Variants in CYS1 observed in about 807,000 individuals in gnomAD.
CYS1 encodes cystin-1.
In CYS1, 5 loss-of-function variants were observed where a neutral mutation model predicts 9.6. The ratio of observed to expected loss-of-function variants is 0.52; its 90% CI spans 0.27 to 1.10. CYS1 has a LOEUF of 1.10. CYS1 is among the 50% of genes least tolerant of loss of function. The pLI is 0.11. For synonymous variants in CYS1, 88 were observed against 95.7 expected (o/e 0.92, Z 0.47); for missense variants, 221 against 207.9 (o/e 1.06, Z -0.39).
Position 10,058,722 on chromosome 2 carries a change from G to T in CYS1, c.*131C>A. 1.3e-6 allele frequency: 1 copy of T among 759,244 alleles called. No individual in the cohort carries two copies. Among genetic ancestry groups the T allele is most frequent in the Non-Finnish European group, 2.0e-6 (1 of 487,922 alleles). 47.0% of individuals were successfully genotyped at this position (759,244 alleles called of 1,614,324 possible). ...GCGCGGTCTGAAAGTGGATTTGAAAGGGCAGCTTTGAATATCCGGGAGTGA... is the reference window on the plus strand; with the variant it reads ...GCGCGGTCTGAAAGTGGATTTGAAATGGCAGCTTTGAATATCCGGGAGTGA... On this transcript the variant is annotated 3_prime_UTR_variant, in exon 3 of 3. Transcript: ENST00000381813.
chr2:10,077,697 C>T (rs559983601), intron 1 of CYS1, among the ~76,000 whole-genome samples: 178 of 152,188 alleles, frequency 1.2e-3, no homozygotes, highest in Non-Finnish European at 2.0e-3. Context: ...TGGTGGCGCA[C>T]ATCTGTAGTA....
intron 2 of CYS1, among the ~76,000 whole-genome samples, chr2:10,060,713 G>A (rs945024938): frequency 2.6e-5 from 4 of 152,254 alleles, no homozygotes; most frequent in African/African-American, 7.2e-5. Context: ...AAATGCAGAC[G>A]TTCTGGAGCC....
Position 10,058,713 on chromosome 2 carries a change from G to T in CYS1, c.*140C>A. 2.8e-6 allele frequency: 2 copies of T among 720,272 alleles called. No homozygotes were observed. Among genetic ancestry groups the T allele is most frequent in the African/African-American group, 1.8e-5 (1 of 56,990 alleles). 44.6% of individuals were successfully genotyped at this position (720,272 alleles called of 1,614,324 possible). ...CCCAGGTCAGCGCGGTCTGAAAGTG[G>T]ATTTGAAAGGGCAGCTTTGAATATC... On this transcript the variant is annotated 3_prime_UTR_variant, in exon 3 of 3. Coordinates refer to ENST00000381813, the MANE Select transcript of CYS1 (RefSeq NM_001037160.3).
intron 2 of CYS1, among the ~76,000 whole-genome samples, chr2:10,064,010 G>A (rs1012958198): frequency 6.6e-6 from 1 of 152,190 alleles, no homozygotes; most frequent in African/African-American, 2.4e-5. Context: ...ATCACCTGAG[G>A]CCAGGAGTTT....
chr2:10,067,620 T>G (rs1179110657), intron 1 of CYS1, among the ~76,000 whole-genome samples: 1 of 151,996 alleles, frequency 6.6e-6, no homozygotes, highest in Non-Finnish European at 1.5e-5. Context: ...TTGCCCTGGC[T>G]GGTCTTAAAC....
In CYS1 at chr2:10,079,906, C is replaced by A; in HGVS notation, c.318G>T (p.Ala106=). The A allele has an allele frequency of 9.0e-7, 1 of 1,112,316 alleles. No individual in the cohort carries two copies. The highest frequency in any genetic ancestry group is 1.1e-6 in the Non-Finnish European group (1 of 911,324). The allele number at this position is 1,112,316 out of a possible 1,614,324, so 68.9% of individuals were successfully genotyped here. The change falls in exon 1 of 3, where the codon GCG becomes GCT. Residue 106 remains alanine, a splice_region_variant and synonymous_variant. Coordinates refer to ENST00000381813, the MANE Select transcript of CYS1 (RefSeq NM_001037160.3). ...GAGGCCCTGCGGCTCCCACACTCAC[C>A]GCGCTCCCCGCGACCGCGGTGGGTC... The part of the protein sequence containing the change: ...RLRPTAVAGS[A]VCAEQSTEGH...
intron 1 of CYS1, among the ~76,000 whole-genome samples, chr2:10,071,042 T>C (rs1182481588): frequency 6.6e-6 from 1 of 152,166 alleles, no homozygotes; most frequent in East Asian, 1.9e-4. Context: ...TTCGGCTCAC[T>C]GCAACCTCTG....
At chr2:10,059,819 T>C (rs1296504860) in intron 2 of CYS1, among the ~76,000 whole-genome samples, 2 of 152,222 alleles carry the variant, frequency 1.3e-5, no homozygotes, top group African/African-American at 4.8e-5. Flanking sequence ...ACGTTCAGGA[T>C]CCCGCCAGTC....
Position 10,065,918 on chromosome 2 carries a change from G to T in CYS1, c.357C>A (p.Ser119Arg), listed in dbSNP as rs377581230. 6.2e-7 allele frequency: 1 copy of T among 1,614,042 alleles called. No individual in the cohort carries two copies. The highest frequency in any genetic ancestry group is 8.5e-7 in the Non-Finnish European group (1 of 1,180,010). The part of the protein sequence containing the change: ...AEQSTEGHPG[S>R]GNVSEAPGSG... ...CTGGTACTTACTCAGAGACATTGCC[G>T]CTCCCCGGGTGGCCCTCTGTGCTCT... Residue 119 changes from serine (S) to arginine (R), a missense_variant, in exon 2 of 3, where the codon AGC becomes AGA. By Grantham distance (110) the Ser-to-Arg change is moderately radical. Transcript: ENST00000381813.
intron 1 of CYS1, among the ~76,000 whole-genome samples, chr2:10,078,190 A>G (rs1661886136): frequency 6.6e-6 from 1 of 151,882 alleles, no homozygotes; most frequent in Non-Finnish European, 1.5e-5. Context: ...CTCCTCAACA[A>G]TTCCTGAAAC....
rs1028173452 is a variant in CYS1 at position 10,063,948 on chromosome 2, T to C, written c.371+1956A>G. On this transcript the variant is annotated intron_variant, in intron 2 of 2. Coordinates refer to ENST00000381813, the MANE Select transcript of CYS1 (RefSeq NM_001037160.3). The surrounding 1 kb of genome is among the most constrained non-coding windows in gnomAD (Gnocchi z 4.2). ...AAGTATACTGAATGAAAAGGCTGGG[T>C]GCAGTGGCTCACGCCCATAATCCCA... 3.3e-5 allele frequency among the ~76,000 whole-genome samples: 5 copies of C among 152,156 alleles called. No homozygotes were observed. Among genetic ancestry groups the C allele is most frequent in the African/African-American group, 1.2e-4 (5 of 41,432 alleles).
chr2:10,072,830 C>A (rs1661788728), intron 1 of CYS1, among the ~76,000 whole-genome samples: 1 of 152,062 alleles, frequency 6.6e-6, no homozygotes, highest in Non-Finnish European at 1.5e-5. Context: ...GCTTTGCAGG[C>A]AGCAGAAGCT....
rs868176144 is a variant in CYS1, at chr2:10,063,614, G to A, written c.371+2290C>T. The stretch of plus-strand genomic sequence containing the variant: ...AAGGACCCTGCCTGGGAGGGTGAGG[G>A]TGACACTGGAGGGAGGAGATTGAAG... On this transcript the variant is annotated intron_variant, in intron 2 of 2. Transcript: ENST00000381813. The surrounding 1 kb of genome is among the most constrained non-coding windows in gnomAD (Gnocchi z 4.2). Among the ~76,000 whole-genome samples, 1 of 152,186 alleles carries A rather than the reference G, an allele frequency of 6.6e-6. No homozygotes were observed. Among genetic ancestry groups the A allele is most frequent in the Non-Finnish European group, 1.5e-5 (1 of 68,042 alleles).
chr2:10,079,827 C>G, intron 1 of CYS1, 79 bp downstream of exon 1: 1 of 935,040 alleles, frequency 1.1e-6, no homozygotes, highest in East Asian at 6.7e-5. Flanking sequence ...GCGACCGGCG[C>G]CCAGGGCTGG....
Position 10,058,429 on chromosome 2 carries a change from G to A in CYS1, c.*424C>T, listed in dbSNP as rs757812190. The A allele has an allele frequency of 2.5e-5, 4 of 161,926 alleles. No individual in the cohort carries two copies. The highest frequency in any genetic ancestry group is 6.2e-5 in the Admixed American group (1 of 16,162). The allele number at this position is 161,926 out of a possible 1,614,324, so 10.0% of individuals were successfully genotyped here. On this transcript the variant is annotated 3_prime_UTR_variant, in exon 3 of 3. Transcript: ENST00000381813. ...ATGGGCCCGAGACTGAGGGAGCAGC[G>A]CGGGTGCACCTTCCACAGCAGAACC...
chr2:10,071,431 C>T (rs1284795858), intron 1 of CYS1, among the ~76,000 whole-genome samples: 1 of 152,198 alleles, frequency 6.6e-6, no homozygotes, highest in African/African-American at 2.4e-5. Flanking sequence ...TGCTCACTAA[C>T]ATGAAGACAC....
At position 10,058,898 on chromosome 2, in the gene CYS1, C is replaced by T. The variant is rs746101333; in HGVS notation, c.432G>A (p.Ser144=). 9 of 1,595,704 alleles carry T rather than the reference C, an allele frequency of 5.6e-6. No individual in the cohort carries two copies. The highest frequency in any genetic ancestry group is 4.6e-5 in the South Asian group (4 of 87,892). Reference sequence around the variant, plus strand: ...CGATGCTCGCCATCAGCCCCTCTTCCGAGTGGTCGTAGGAGATGGCTGCCG... The same window carrying T: ...CGATGCTCGCCATCAGCCCCTCTTCTGAGTGGTCGTAGGAGATGGCTGCCG... ...ERPAAISYDH[S]EEGLMASIER... is the part of the protein sequence containing the mutation. Residue 144 remains serine (S), a synonymous_variant, in exon 3 of 3, where the codon TCG becomes TCA. Transcript: ENST00000381813.
At chr2:10,079,435 G>C (rs1452241458) in intron 1 of CYS1, among the ~76,000 whole-genome samples, 1 of 152,338 alleles carries the variant, frequency 6.6e-6, no homozygotes, top group Non-Finnish European at 1.5e-5. Context: ...CAGGGAGAGA[G>C]AATAGGAAGC....
At position 10,063,338 on chromosome 2, in the gene CYS1, C is replaced by T. The variant is rs543691977; in HGVS notation, c.371+2566G>A. Among the ~76,000 whole-genome samples, 9 of 152,148 alleles carry T rather than the reference C, an allele frequency of 5.9e-5. No individual in the cohort carries two copies. In the South Asian group the frequency reaches 1.9e-3, roughly 32 times the overall value. Reference sequence around the variant, plus strand: ...GTTGCACCATGCGGGAGGAGGGACACTAGTTTGACCAGGAAGGGGATAGAG... The same window carrying T: ...GTTGCACCATGCGGGAGGAGGGACATTAGTTTGACCAGGAAGGGGATAGAG... On this transcript the variant is annotated intron_variant, in intron 2 of 2. Coordinates refer to ENST00000381813, the MANE Select transcript of CYS1 (RefSeq NM_001037160.3). The surrounding 1 kb of genome is among the most constrained non-coding windows in gnomAD (Gnocchi z 4.2).
Sources: allele counts gnomAD v4.1 joint callset (sites outside exome capture counted in the v4.1 genomes callset), GRCh38; gene constraint gnomAD v4.1.1; non-coding constraint Gnocchi (gnomAD v3.1); transcripts MANE v1.5; gene names NCBI Gene and HGNC (gene_info 2026-07-23, HGNC 2026-07-21).